The following LIPI variants were observed in gnomAD, a reference collection of about 807,000 sequenced individuals.
The protein encoded by LIPI is lipase I.
Under a neutral mutation model 50.6 loss-of-function variants are expected in LIPI, and 59 were observed. That is an observed-to-expected ratio of 1.16 (90% CI 0.94 to 1.45). The LOEUF is 1.45. Ranked by LOEUF, LIPI falls within the 40% of genes most tolerant of loss-of-function variation. The pLI, the probability that LIPI is intolerant of heterozygous loss-of-function variation, is 0.00. For missense variants in LIPI, 586 were observed against 536.3 expected, an observed-to-expected ratio of 1.09 and a Z score of -0.92; for synonymous variants, 203 against 178.2, an observed-to-expected ratio of 1.14 and a Z score of -1.11.
intron 9 of LIPI, among the ~76,000 whole-genome samples, chr21:14,128,442 G>T (rs2017152411): frequency 6.6e-6 from 1 of 152,074 alleles, no homozygotes; most frequent in African/African-American, 2.4e-5. Context: ...ACCTTAGGTA[G>T]CCTGTGTATC....
chr21:14,143,005 T>A (rs2017769074), intron 9 of LIPI, among the ~76,000 whole-genome samples: 1 of 152,046 alleles, frequency 6.6e-6, no homozygotes, highest in South Asian at 2.1e-4. Flanking sequence ...CCTGGAAGAG[T>A]GTTTTATAGA....
intron 9 of LIPI, among the ~76,000 whole-genome samples, chr21:14,139,555 T>TA (rs1456925976): frequency 2.6e-5 from 4 of 152,122 alleles, no homozygotes; most frequent in African/African-American, 9.7e-5. Flanking sequence ...AGAAAATACA[T>TA]AGACTCAACA....
intron 1 of LIPI, among the ~76,000 whole-genome samples, chr21:14,205,608 G>A: frequency 6.6e-6 from 1 of 151,816 alleles, no homozygotes; most frequent in East Asian, 1.9e-4. Flanking sequence ...GTAGTTTGCA[G>A]TGATGCTGAT....
intron 4 of LIPI, among the ~76,000 whole-genome samples, chr21:14,174,437 A>C (rs2019022407): frequency 6.6e-6 from 1 of 152,302 alleles, no homozygotes; most frequent in South Asian, 2.1e-4. Context: ...TAATGTAAAG[A>C]AATAGCACCT....
chr21:14,140,963 G>A (rs941285930), intron 9 of LIPI, among the ~76,000 whole-genome samples: 1 of 152,142 alleles, frequency 6.6e-6, no homozygotes, highest in African/African-American at 2.4e-5. Flanking sequence ...CATTTAACAA[G>A]AATGGCTATT....
At chr21:14,114,342 G>T (rs1264896356) in intron 9 of LIPI, among the ~76,000 whole-genome samples, 1 of 152,102 alleles carries the variant, frequency 6.6e-6, no homozygotes, top group Non-Finnish European at 1.5e-5. Context: ...ATGGCTACAG[G>T]CCTGTTTTGA....
At chr21:14,204,063 A>G (rs1171039615) in intron 1 of LIPI, among the ~76,000 whole-genome samples, 1 of 152,038 alleles carries the variant, frequency 6.6e-6, no homozygotes, top group African/African-American at 2.4e-5. Context: ...ATGGGGGAGA[A>G]CAACACACAC....
At chr21:14,184,746 A>C (rs114936113) in intron 3 of LIPI, among the ~76,000 whole-genome samples, 1,973 of 152,294 alleles carry the variant, frequency 0.013, 35 homozygotes, top group African/African-American at 0.044. Flanking sequence ...CAAATTGAGC[A>C]AGTGTGGTTT....
At chr21:14,160,687 T>C (rs2018431467) in intron 7 of LIPI, among the ~76,000 whole-genome samples, 2 of 151,392 alleles carry the variant, frequency 1.3e-5, no homozygotes, top group Admixed American at 6.6e-5. Context: ...GCCCATGCTT[T>C]TGTGAAACAG....
intron 4 of LIPI, among the ~76,000 whole-genome samples, chr21:14,180,989 A>G (rs891485586): frequency 6.6e-6 from 1 of 152,154 alleles, no homozygotes; most frequent in African/African-American, 2.4e-5. Flanking sequence ...ATCAAAACAT[A>G]TGATTTCAAA....
At chr21:14,129,898 C>T (rs2017223147) in intron 9 of LIPI, among the ~76,000 whole-genome samples, 1 of 150,924 alleles carries the variant, frequency 6.6e-6, no homozygotes, top group Non-Finnish European at 1.5e-5. Context: ...GAAAAACATA[C>T]ATATGGTACT....
At chr21:14,190,302 T>C (rs1332491695) in intron 1 of LIPI, among the ~76,000 whole-genome samples, 2 of 152,134 alleles carry the variant, frequency 1.3e-5, no homozygotes, top group African/African-American at 4.8e-5. Context: ...CAGATTTTTG[T>C]GATTCTATTT....
intron 4 of LIPI, among the ~76,000 whole-genome samples, chr21:14,175,321 T>C (rs367803354): frequency 2.0e-5 from 3 of 152,302 alleles, no homozygotes; most frequent in East Asian, 3.9e-4. Context: ...TGTGGCTTCT[T>C]GTTTGGGTTT....
At chr21:14,110,564 C>A (rs2016363140) in intron 9 of LIPI, among the ~76,000 whole-genome samples, 2 of 151,866 alleles carry the variant, frequency 1.3e-5, no homozygotes, top group Admixed American at 1.3e-4. Context: ...CACAATAAAT[C>A]TCTTGAACTC....
At chr21:14,129,798 G>GTTTTTT (rs567972643) in intron 9 of LIPI, among the ~76,000 whole-genome samples, 1 of 101,726 alleles carries the variant, frequency 9.8e-6, no homozygotes. Flanking sequence ...GACTCTAATT[G>GTTTTTT]TTTTTTTTTT....
At chr21:14,174,709 A>G (rs930696565) in intron 4 of LIPI, among the ~76,000 whole-genome samples, 2 of 152,160 alleles carry the variant, frequency 1.3e-5, no homozygotes, top group Admixed American at 1.3e-4. Context: ...GCATGCCACC[A>G]TGCCCAGCTA....
chr21:14,142,287 A>G (rs1314291795), intron 9 of LIPI, among the ~76,000 whole-genome samples: 2 of 152,232 alleles, frequency 1.3e-5, no homozygotes, highest in African/African-American at 4.8e-5. Context: ...CATTCTGCAC[A>G]TGTATCCCAA....
At chr21:14,155,835 T>A (rs181114071) in intron 7 of LIPI, among the ~76,000 whole-genome samples, 146 of 152,068 alleles carry the variant, frequency 9.6e-4, no homozygotes, top group African/African-American at 3.2e-3. Flanking sequence ...AATTTCTTCA[T>A]ACAGAAAGGA....
At chr21:14,118,245 C>T (rs901536409) in intron 9 of LIPI, among the ~76,000 whole-genome samples, 4 of 151,926 alleles carry the variant, frequency 2.6e-5, no homozygotes, top group Non-Finnish European at 5.9e-5. Flanking sequence ...CTCATTAGGC[C>T]CCAAGGAGCC....
Sources: gnomAD v4.1 joint callset for allele counts (sites outside exome capture counted in the v4.1 genomes callset) on GRCh38, gnomAD v4.1.1 for gene constraint, MANE v1.5 for transcripts, NCBI Gene and HGNC (gene_info 2026-07-23, HGNC 2026-07-21) for gene names.